PXDNL: variants seen among roughly 807,000 people sequenced by gnomAD.
PXDNL encodes peroxidasin like.
PXDNL carries 145 observed loss-of-function variants against 150.8 expected under a neutral mutation model. The observed-to-expected ratio is 0.96, with a 90% CI of 0.84 to 1.10. The LOEUF (loss-of-function observed/expected upper bound fraction) is 1.10, where lower values mean the gene tolerates loss of function less well. Ranked by LOEUF, PXDNL falls within the 50% of genes least tolerant of loss-of-function variation. PXDNL has a pLI of 0.00. For missense variants in PXDNL, 2,087 were observed against 1,873.9 expected (o/e 1.11, Z -2.10); for synonymous variants, 757 against 725.7 (o/e 1.04, Z -0.69).
intron 4 of PXDNL, 78 bp downstream of exon 4, chr8:51,556,762 T>C (rs1812608670): frequency 1.3e-6 from 1 of 765,178 alleles, no homozygotes; most frequent in South Asian, 1.5e-5. Context: ...TGTTCAACTA[T>C]CACATAATGG....
At chr8:51,644,377 T>TACAC (rs768658260) in intron 2 of PXDNL, among the ~76,000 whole-genome samples, 9,107 of 79,488 alleles carry the variant, frequency 0.11, 1,603 homozygotes, top group African/African-American at 0.31. Flanking sequence ...TGTATATATA[T>TACAC]ACACACACAT....
chr8:51,387,923 T>A (rs540615926), intron 17 of PXDNL, among the ~76,000 whole-genome samples: 154 of 152,330 alleles, frequency 1.0e-3, no homozygotes, highest in African/African-American at 3.5e-3. Context: ...GTTGCACTAT[T>A]CTTAAACTAT....
intron 1 of PXDNL, among the ~76,000 whole-genome samples, chr8:51,721,015 C>G (rs1409754716): frequency 6.6e-6 from 1 of 152,216 alleles, no homozygotes; most frequent in Non-Finnish European, 1.5e-5. Context: ...CAGATAGTGA[C>G]AGGGACGGAG....
intron 2 of PXDNL, among the ~76,000 whole-genome samples, chr8:51,625,148 A>G (rs1286568130): frequency 6.6e-6 from 1 of 152,216 alleles, no homozygotes; most frequent in African/African-American, 2.4e-5. Flanking sequence ...CTTTGGAGTC[A>G]GAGTGAAAGG....
intron 1 of PXDNL, among the ~76,000 whole-genome samples, chr8:51,670,175 T>G (rs951459065): frequency 2.0e-5 from 3 of 152,020 alleles, no homozygotes; most frequent in African/African-American, 7.2e-5. Context: ...GAGGCAGAGG[T>G]TGCAGTGAGC....
At chr8:51,552,193 G>A (rs113344789) in intron 4 of PXDNL, among the ~76,000 whole-genome samples, 3,813 of 152,262 alleles carry the variant, frequency 0.025, 147 homozygotes, top group African/African-American at 0.087. Context: ...AGATGTTGGT[G>A]TGGATGTGGT....
intron 1 of PXDNL, among the ~76,000 whole-genome samples, chr8:51,696,703 C>A (rs56291771): frequency 0.015 from 50 of 3,252 alleles, no homozygotes; most frequent in South Asian, 0.03. Context: ...CCACACACAT[C>A]CACACACAGG....
chr8:51,584,489 T>G (rs1813280642), intron 3 of PXDNL, among the ~76,000 whole-genome samples: 1 of 152,222 alleles, frequency 6.6e-6, no homozygotes, highest in South Asian at 2.1e-4. Flanking sequence ...TATAAAACCT[T>G]ACAGGTTTGT....
At chr8:51,478,492 C>A (rs1371414781) in intron 6 of PXDNL, among the ~76,000 whole-genome samples, 1 of 152,174 alleles carries the variant, frequency 6.6e-6, no homozygotes, top group African/African-American at 2.4e-5. Flanking sequence ...ACTTAAAGAT[C>A]CAAAAACACT....
chr8:51,773,402 T>C (rs2037320305), intron 1 of PXDNL, among the ~76,000 whole-genome samples: 1 of 152,208 alleles, frequency 6.6e-6, no homozygotes, highest in South Asian at 2.1e-4. Context: ...CACAGGCTTC[T>C]GTGGACCCTC....
chr8:51,540,944 T>C (rs1216531378), intron 4 of PXDNL, among the ~76,000 whole-genome samples: 1 of 150,514 alleles, frequency 6.6e-6, no homozygotes, highest in African/African-American at 2.5e-5. Flanking sequence ...GGTGCAGATG[T>C]TGTTATTTTT....
chr8:51,378,628 T>C lies in PXDNL; in HGVS notation c.3558-3897A>G, dbSNP rs896373787. 5.9e-5 allele frequency among the ~76,000 whole-genome samples: 9 copies of C among 152,342 alleles called. No individual in the cohort carries two copies. The South Asian group carries it at 6.2e-4, about 11-fold the overall frequency. On this transcript the variant is annotated intron_variant, in intron 17 of 22. Coordinates refer to ENST00000356297, the MANE Select transcript of PXDNL (RefSeq NM_144651.5). ...TGCAATAAATCTTGCTGCTGCTCACTCTTTGGGTGTGCACTGGCTTTATGA... is the reference window on the plus strand; with the variant it reads ...TGCAATAAATCTTGCTGCTGCTCACCCTTTGGGTGTGCACTGGCTTTATGA...
chr8:51,700,587 CATAT>C (rs1019514216), intron 1 of PXDNL, among the ~76,000 whole-genome samples: 3 of 9,966 alleles, frequency 3.0e-4, no homozygotes, highest in Admixed American at 1.2e-3. Context: ...CATATACACA[CATAT>C]ACACACATAC....
chr8:51,530,041 G>A (rs552676386), intron 4 of PXDNL, among the ~76,000 whole-genome samples: 1 of 152,300 alleles, frequency 6.6e-6, no homozygotes, highest in East Asian at 1.9e-4. Context: ...TCTAGGCCAA[G>A]AGCTTTGGAG....
intron 1 of PXDNL, among the ~76,000 whole-genome samples, chr8:51,743,908 A>AAGGAAGGAAGGAAGGAAGGAAGGAAGG (rs2036933702): frequency 1.0e-4 from 7 of 66,942 alleles, no homozygotes; most frequent in South Asian, 1.3e-3. Context: ...GCTGAGAGAG[A>AAGGAAGGAAGGAAGGAAGGAAGGAAGG]AAGGAAGGAA....
chr8:51,334,043 T>G (rs888750116), intron 21 of PXDNL, among the ~76,000 whole-genome samples: 1 of 152,060 alleles, frequency 6.6e-6, no homozygotes, highest in Admixed American at 6.6e-5. Flanking sequence ...CATGGAACTT[T>G]CTCCAAGATA....
At position 51,319,715 on chromosome 8, in the gene PXDNL, T is replaced by A; in HGVS notation, c.*176A>T. ...CTTTTAGTTTTGAATTATTTCAAGG[T>A]ATGTTAGAAAATGAAAAAATAAAAG... On this transcript the variant is annotated 3_prime_UTR_variant, in exon 23 of 23. Coordinates refer to ENST00000356297, the MANE Select transcript of PXDNL (RefSeq NM_144651.5). 1 of 424,968 alleles carries A rather than the reference T, an allele frequency of 2.4e-6. No homozygotes were observed. The highest frequency in any genetic ancestry group is 3.9e-6 in the Non-Finnish European group (1 of 254,198). The allele number at this position is 424,968 out of a possible 1,614,324, so 26.3% of individuals were successfully genotyped here. A position where few individuals can be genotyped will look rare whatever the true frequency, so the allele number is the denominator to read the frequency against.
rs117020714 is a variant in PXDNL, at chr8:51,553,083, C to T, written c.380+3757G>A. On this transcript the variant is annotated intron_variant, in intron 4 of 22. Transcript: ENST00000356297. ...GTCCACAATCCAACAGGGTGAATAA[C>T]ATTAAATCCTAAGGCTCTCGAATTA... 3.6e-4 allele frequency among the ~76,000 whole-genome samples: 55 copies of T among 152,350 alleles called. No individual in the cohort carries two copies. The East Asian group carries it at 9.7e-3, about 27-fold the overall frequency.
intron 4 of PXDNL, among the ~76,000 whole-genome samples, chr8:51,554,564 A>G (rs1357396061): frequency 6.6e-6 from 1 of 152,152 alleles, no homozygotes; most frequent in African/African-American, 2.4e-5. Flanking sequence ...ATTTTACTCT[A>G]GGCATTTAAT....
Sources: gnomAD v4.1 joint callset for allele counts (sites outside exome capture counted in the v4.1 genomes callset) on GRCh38, gnomAD v4.1.1 for gene constraint, MANE v1.5 for transcripts, NCBI Gene and HGNC (gene_info 2026-07-23, HGNC 2026-07-21) for gene names.